The following SCN10A variants were observed in gnomAD, a reference collection of about 807,000 sequenced individuals.
SCN10A encodes the protein sodium channel protein type 10 subunit alpha.
A neutral mutation model predicts 170.7 loss-of-function variants in SCN10A; 162 were observed. The ratio of observed to expected loss-of-function variants is 0.95; its 90% CI spans 0.84 to 1.08. The LOEUF (loss-of-function observed/expected upper bound fraction) is 1.08, where lower values mean the gene tolerates loss of function less well. Among genes scored for constraint, SCN10A ranks in the 50% least tolerant of loss-of-function variants. SCN10A has a pLI of 0.00. For missense variants in SCN10A, 2,527 were observed against 2,436.9 expected (o/e 1.04, Z -0.78); for synonymous variants, 985 against 904.6 (o/e 1.09, Z -1.59).
At chr3:38,787,540 G>C (rs972497976) in intron 4 of SCN10A, among the ~76,000 whole-genome samples, 1 of 151,580 alleles carries the variant, frequency 6.6e-6, no homozygotes, top group Non-Finnish European at 1.5e-5. Context: ...TTACAAAGTG[G>C]AACTGAGAAG....
intron 11 of SCN10A, among the ~76,000 whole-genome samples, chr3:38,752,995 A>G (rs778520180): frequency 6.6e-6 from 1 of 152,236 alleles, no homozygotes; most frequent in African/African-American, 2.4e-5. Context: ...AGTACAATTC[A>G]TTAGATCCCA....
At chr3:38,711,143 A>G (rs1371492062) in intron 23 of SCN10A, among the ~76,000 whole-genome samples, 1 of 152,250 alleles carries the variant, frequency 6.6e-6, no homozygotes, top group Admixed American at 6.5e-5. Flanking sequence ...AGAATGTAGT[A>G]TGGACTGAGG....
At chr3:38,769,616 G>A (rs968331485) in intron 5 of SCN10A, among the ~76,000 whole-genome samples, 2 of 152,140 alleles carry the variant, frequency 1.3e-5, no homozygotes, top group Non-Finnish European at 2.9e-5. Context: ...TTGATCTTTT[G>A]AGGGGTGTTA....
Position 38,726,617 on chromosome 3 carries a change from GGAT to G in SCN10A, c.3073_3075del (p.Ile1025del). 1 of 1,586,174 alleles carries G rather than the reference GGAT, an allele frequency of 6.3e-7. No homozygotes were observed. Among genetic ancestry groups the G allele is most frequent in the Non-Finnish European group, 8.6e-7 (1 of 1,160,618 alleles). ...GGGATAACTCTTACCTGTCCTTTGG[GGAT>G]CACTTCCTGCTGGAAGCTCTGAGCA... is the stretch of plus-strand genomic sequence containing the variant. On this transcript the variant is annotated inframe_deletion, in exon 17 of 28. Coordinates refer to ENST00000449082, the MANE Select transcript of SCN10A (RefSeq NM_006514.4).
intron 5 of SCN10A, among the ~76,000 whole-genome samples, chr3:38,770,417 G>C (rs547078962): frequency 6.6e-6 from 1 of 152,288 alleles, no homozygotes; most frequent in South Asian, 2.1e-4. Flanking sequence ...TTCTTGGGTA[G>C]GGATTGCTGT....
intron 6 of SCN10A, among the ~76,000 whole-genome samples, chr3:38,762,282 G>A (rs1489522066): frequency 6.6e-6 from 1 of 152,184 alleles, no homozygotes. Context: ...GAGTGCCGTT[G>A]TCTGACAATT....
At position 38,723,524 on chromosome 3, in the gene SCN10A, G is replaced by A. The variant is rs1438851961; in HGVS notation, c.3258C>T (p.Gly1086=). The change falls in exon 19 of 28, where the codon GGC becomes GGT. Residue 1086 remains glycine, a synonymous_variant. Coordinates refer to ENST00000449082, the MANE Select transcript of SCN10A (RefSeq NM_006514.4). Reference sequence around the variant, plus strand: ...CAGGATCTAGGCAGTCCACCGTGCTGCCCTCAGAGGAGCTTGTGTCGTCCA... The same window carrying A: ...CAGGATCTAGGCAGTCCACCGTGCTACCCTCAGAGGAGCTTGTGTCGTCCA... The part of the protein sequence containing the change: ...EGVDDTSSSE[G]STVDCLDPEE... The A allele has an allele frequency of 6.2e-7, 1 of 1,607,940 alleles. No homozygotes were observed. The highest frequency in any genetic ancestry group is 8.5e-7 in the Non-Finnish European group (1 of 1,176,864).
intron 1 of SCN10A, among the ~76,000 whole-genome samples, chr3:38,815,333 C>T (rs2064467799): frequency 6.6e-6 from 1 of 152,146 alleles, no homozygotes. Context: ...ACCTTGTTGT[C>T]CATCTGAATT....
intron 11 of SCN10A, among the ~76,000 whole-genome samples, chr3:38,754,847 A>G (rs1009779001): frequency 2.0e-5 from 3 of 152,094 alleles, no homozygotes; most frequent in African/African-American, 7.2e-5. Context: ...GGGAAGTGAG[A>G]GGTATAAAGC....
intron 4 of SCN10A, among the ~76,000 whole-genome samples, chr3:38,778,977 G>T (rs887820713): frequency 6.6e-6 from 1 of 151,974 alleles, no homozygotes; most frequent in African/African-American, 2.4e-5. Flanking sequence ...ATCTCCTAAA[G>T]AATGGATTTG....
chr3:38,784,843 C>T (rs1019342701), intron 4 of SCN10A, among the ~76,000 whole-genome samples: 2 of 152,032 alleles, frequency 1.3e-5, no homozygotes, highest in African/African-American at 4.8e-5. Context: ...CAATAACAGA[C>T]AAACCGAGAG....
In SCN10A at chr3:38,793,966, G is replaced by A. The variant is rs34314583; in HGVS notation, c.45C>T (p.Arg15=). The change falls in exon 2 of 28, where the codon CGC becomes CGT. Residue 15 remains arginine, a synonymous_variant. Transcript: ENST00000449082. ...TCTCCACCAGTGACTCCGGAGTAAA[G>A]CGACGGAAGTTGTTAGTTTCGAGGG... ...IGSLETNNFR[R]FTPESLVEIE... 8.4e-3 allele frequency: 13,492 copies of A among 1,613,980 alleles called. 95 individuals carry two copies. The highest frequency in any genetic ancestry group is 0.01 in the Non-Finnish European group (12,005 of 1,179,854).
intron 24 of SCN10A, among the ~76,000 whole-genome samples, chr3:38,710,081 G>C (rs1276558852): frequency 1.3e-5 from 2 of 152,206 alleles, no homozygotes; most frequent in African/African-American, 4.8e-5. Context: ...TAAGGGAAGA[G>C]GTGGCAGGGA....
At chr3:38,755,498 C>A (rs2063793597) in intron 11 of SCN10A, among the ~76,000 whole-genome samples, 1 of 152,194 alleles carries the variant, frequency 6.6e-6, no homozygotes, top group South Asian at 2.1e-4. Flanking sequence ...CATTTGATTG[C>A]CCAATCCTGA....
In SCN10A at chr3:38,712,443, C is replaced by A; in HGVS notation, c.3807G>T (p.Val1269=). Reference sequence around the variant, plus strand: ...TGGCGCCCACCAGGGCATCCACCACCACCTGGTGGGAGATAGAGAAAGACC... The same window carrying A: ...TGGCGCCCACCAGGGCATCCACCACAACCTGGTGGGAGATAGAGAAAGACC... ...RALSRFEGMR[V]VVDALVGAIP... is the part of the protein sequence containing the mutation. The change falls in exon 23 of 28, where the codon GTG becomes GTT. Residue 1269 remains valine, a splice_region_variant and synonymous_variant. Coordinates refer to ENST00000449082, the MANE Select transcript of SCN10A (RefSeq NM_006514.4). 2 of 1,613,444 alleles carry A rather than the reference C, an allele frequency of 1.2e-6. No homozygotes were observed. The highest frequency in any genetic ancestry group is 1.7e-6 in the Non-Finnish European group (2 of 1,179,472).
chr3:38,815,814 C>A (rs941740668), intron 1 of SCN10A, among the ~76,000 whole-genome samples: 3 of 152,118 alleles, frequency 2.0e-5, no homozygotes, highest in African/African-American at 7.2e-5. Context: ...ATATTTTCAC[C>A]CTTATCCTTC....
At chr3:38,795,326 T>A (rs1027438163) in intron 1 of SCN10A, among the ~76,000 whole-genome samples, 2 of 150,116 alleles carry the variant, frequency 1.3e-5, no homozygotes, top group Non-Finnish European at 2.9e-5. Context: ...TTGTCTTTTT[T>A]GTTTTTTTCT....
In SCN10A at chr3:38,697,585, C is replaced by T; in HGVS notation, c.5635G>A (p.Val1879Met). 1 of 1,614,174 alleles carries T rather than the reference C, an allele frequency of 6.2e-7. No individual in the cohort carries two copies. ...GCAGCCTCCTCCTCAGCTCTGGGCA[C>T]ACATGGGGTGTTAGAGAGTGCCATG... ...RSMALSNTPCVPRAEEEAASL... is the reference protein window; with the variant it reads ...RSMALSNTPCMPRAEEEAASL... The change falls in exon 28 of 28, where the codon GTG (valine) becomes ATG (methionine). Residue 1879 changes from valine (V) to methionine (M), a missense_variant. Transcript: ENST00000449082.
chr3:38,758,862 A>G (rs1184299865), intron 8 of SCN10A, among the ~76,000 whole-genome samples: 1 of 151,884 alleles, frequency 6.6e-6, no homozygotes, highest in Non-Finnish European at 1.5e-5. Flanking sequence ...ACTTTACCAC[A>G]AAAAGGACTT....
Sources: allele counts gnomAD v4.1 joint callset (sites outside exome capture counted in the v4.1 genomes callset), GRCh38; gene constraint gnomAD v4.1.1; transcripts MANE v1.5; gene names NCBI Gene and HGNC (gene_info 2026-07-23, HGNC 2026-07-21).